RAP1GDS1: variants seen among roughly 807,000 people sequenced by gnomAD.
RAP1GDS1 encodes the protein RAP1, GTP-GDP dissociation stimulator 1.
Under a neutral mutation model 71.1 loss-of-function variants are expected in RAP1GDS1, and 35 were observed. That is an observed-to-expected ratio of 0.49 (90% CI 0.38 to 0.65). The LOEUF (loss-of-function observed/expected upper bound fraction) is 0.65, where lower values mean the gene tolerates loss of function less well. Ranked by LOEUF, RAP1GDS1 falls within the 30% of genes least tolerant of loss-of-function variation. The pLI, the probability that RAP1GDS1 is intolerant of heterozygous loss-of-function variation, is 0.00. For missense variants in RAP1GDS1, 663 were observed against 706.1 expected (o/e 0.94, Z 0.69); for synonymous variants, 229 against 243.1 (o/e 0.94, Z 0.54).
At chr4:98,364,720 T>TA (rs869099741) in intron 4 of RAP1GDS1, among the ~76,000 whole-genome samples, 275 of 146,200 alleles carry the variant, frequency 1.9e-3, no homozygotes, top group African/African-American at 5.2e-3. Flanking sequence ...AAGCTTTATT[T>TA]AAAAAAAAAA....
At chr4:98,410,241 A>G (rs775892509) in intron 7 of RAP1GDS1, among the ~76,000 whole-genome samples, 8 of 152,246 alleles carry the variant, frequency 5.3e-5, no homozygotes, top group Non-Finnish European at 1.0e-4. Context: ...AAAAACTCTT[A>G]AAAATCATTA....
At chr4:98,270,820 C>T (rs937961133) in intron 1 of RAP1GDS1, among the ~76,000 whole-genome samples, 1 of 151,990 alleles carries the variant, frequency 6.6e-6, no homozygotes, top group Non-Finnish European at 1.5e-5. Context: ...GCTAGATGAA[C>T]CCCTCCTCTT....
At position 98,318,726 on chromosome 4, in the gene RAP1GDS1, G is replaced by T. The variant is rs148338815; in HGVS notation, c.113-24413G>T. 1.1e-4 allele frequency among the ~76,000 whole-genome samples: 16 copies of T among 152,316 alleles called. No individual in the cohort carries two copies. In the East Asian group the frequency reaches 1.2e-3, roughly 11 times the overall value. On this transcript the variant is annotated intron_variant, in intron 2 of 14. Transcript: ENST00000408927. ...TCAGGAGCAGATAATGTTGATGTCT[G>T]TGTCAACAACTAATGGGCAGGTAGC...
At chr4:98,342,822 C>A (rs1172300564) in intron 2 of RAP1GDS1, among the ~76,000 whole-genome samples, 1 of 152,022 alleles carries the variant, frequency 6.6e-6, no homozygotes, top group Non-Finnish European at 1.5e-5. Flanking sequence ...CATTTATATT[C>A]TGAATAGACA....
intron 1 of RAP1GDS1, among the ~76,000 whole-genome samples, chr4:98,268,540 G>A (rs146123012): frequency 1.0e-3 from 159 of 151,598 alleles, no homozygotes; most frequent in Middle Eastern, 3.4e-3. Context: ...AAGATAGCAT[G>A]GTCTTATACA....
chr4:98,399,070 G>A (rs1744975710), intron 6 of RAP1GDS1, among the ~76,000 whole-genome samples: 1 of 151,980 alleles, frequency 6.6e-6, no homozygotes, highest in Non-Finnish European at 1.5e-5. Flanking sequence ...ATAGAAAAAA[G>A]TAGCTTAAAG....
At chr4:98,318,987 G>T (rs532460266) in intron 2 of RAP1GDS1, among the ~76,000 whole-genome samples, 100 of 151,622 alleles carry the variant, frequency 6.6e-4, no homozygotes, top group African/African-American at 2.1e-3. Context: ...GTAGTTCTCT[G>T]GGGGGGGAAA....
Position 98,412,801 on chromosome 4 carries a change from C to T in RAP1GDS1, c.764-3944C>T, listed in dbSNP as rs188372264. Among the ~76,000 whole-genome samples the T allele has an allele frequency of 2.2e-4, 33 of 152,134 alleles. No homozygotes were observed. In the East Asian group the frequency reaches 6.4e-3, roughly 29 times the overall value. On this transcript the variant is annotated intron_variant, in intron 7 of 14. Transcript: ENST00000408927. ...ACATATCGGTAGGTCCGTGATGTCC[C>T]CTGAGCCACAAAACCAGGAAGTTTT...
At chr4:98,356,911 T>G (rs929842698) in intron 4 of RAP1GDS1, among the ~76,000 whole-genome samples, 6 of 151,986 alleles carry the variant, frequency 3.9e-5, no homozygotes, top group Non-Finnish European at 1.5e-5. Flanking sequence ...GTTTGTATAT[T>G]GGCGATTCTT....
chr4:98,430,308 C>T (rs562631086), intron 12 of RAP1GDS1, among the ~76,000 whole-genome samples: 6 of 152,308 alleles, frequency 3.9e-5, no homozygotes, highest in Non-Finnish European at 5.9e-5. Flanking sequence ...ATCTTTCCTA[C>T]AATTGAGAGT....
At chr4:98,286,753 GCAGGTGC>G (rs1207893822) in intron 1 of RAP1GDS1, among the ~76,000 whole-genome samples, 2 of 151,928 alleles carry the variant, frequency 1.3e-5, no homozygotes, top group Admixed American at 1.3e-4. Context: ...GGGCGTGGTG[GCAGGTGC>G]CTGTAATCCC....
chr4:98,405,074 A>C (rs1745934197), intron 7 of RAP1GDS1, among the ~76,000 whole-genome samples: 1 of 152,168 alleles, frequency 6.6e-6, no homozygotes, highest in Non-Finnish European at 1.5e-5. Context: ...AATGTCTAAC[A>C]CGTACTCAAA....
At chr4:98,331,242 G>C (rs892610900) in intron 2 of RAP1GDS1, among the ~76,000 whole-genome samples, 1 of 152,100 alleles carries the variant, frequency 6.6e-6, no homozygotes, top group Non-Finnish European at 1.5e-5. Context: ...CCGAGATCAC[G>C]GCAGTACAGT....
At chr4:98,317,647 G>A (rs1731132466) in intron 2 of RAP1GDS1, among the ~76,000 whole-genome samples, 1 of 152,094 alleles carries the variant, frequency 6.6e-6, no homozygotes, top group African/African-American at 2.4e-5. Flanking sequence ...GATTCTGCAA[G>A]CCACACTAAG....
At chr4:98,358,644 C>G (rs1245038586) in intron 4 of RAP1GDS1, among the ~76,000 whole-genome samples, 1 of 152,000 alleles carries the variant, frequency 6.6e-6, no homozygotes, top group Non-Finnish European at 1.5e-5. Flanking sequence ...GGAAACCTGA[C>G]TAGCATGAAA....
Position 98,442,440 on chromosome 4 carries a change from A to G in RAP1GDS1, c.*323A>G, listed in dbSNP as rs1428965434. 3.9e-6 allele frequency: 1 copy of G among 254,512 alleles called. No homozygotes were observed. The highest frequency in any genetic ancestry group is 7.6e-6 in the Non-Finnish European group (1 of 131,540). The allele number at this position is 254,512 out of a possible 1,614,324, so 15.8% of individuals were successfully genotyped here. A position where few individuals can be genotyped will look rare whatever the true frequency, so the allele number is the denominator to read the frequency against. ...ACATAATGACTTGCTCCACACATGC[A>G]GTAAACTACATAATGATGTACTGGT... On this transcript the variant is annotated 3_prime_UTR_variant, in exon 15 of 15. Coordinates refer to ENST00000408927, the MANE Select transcript of RAP1GDS1 (RefSeq NM_001100427.2).
chr4:98,321,577 C>A (rs1472862607), intron 2 of RAP1GDS1, among the ~76,000 whole-genome samples: 4 of 151,592 alleles, frequency 2.6e-5, no homozygotes, highest in Non-Finnish European at 5.9e-5. Context: ...GATCTCTCGG[C>A]AGAAACCCTA....
intron 2 of RAP1GDS1, among the ~76,000 whole-genome samples, chr4:98,307,482 C>T (rs868216862): frequency 1.3e-5 from 2 of 152,034 alleles, no homozygotes; most frequent in African/African-American, 4.8e-5. Context: ...GAAAACTTCT[C>T]AATATTTTGT....
In RAP1GDS1 at chr4:98,276,390, AT is replaced by A. The variant is rs1724204198; in HGVS notation, c.4+14825del. 2.0e-5 allele frequency among the ~76,000 whole-genome samples: 3 copies of A among 151,984 alleles called. 1 individual carries two copies. The South Asian group carries it at 6.2e-4, about 32-fold the overall frequency. On this transcript the variant is annotated intron_variant, in intron 1 of 14. Transcript: ENST00000408927. ...TCTGATTGTTTTACTCCTTAGACAT[AT>A]TTTGTAACGGTTTTCCATTACCTAG...
Sources: allele counts gnomAD v4.1 joint callset (sites outside exome capture counted in the v4.1 genomes callset), GRCh38; gene constraint gnomAD v4.1.1; transcripts MANE v1.5; gene names NCBI Gene and HGNC (gene_info 2026-07-23, HGNC 2026-07-21).